The following RBM38 variants were observed in gnomAD, a reference collection of about 807,000 sequenced individuals.
RBM38 encodes RNA binding motif protein 38, also known as RNA-binding protein 38.
In RBM38, 11 loss-of-function variants were observed where a neutral mutation model predicts 23.5. That is an observed-to-expected ratio of 0.47 (90% confidence interval 0.29 to 0.77). The LOEUF (loss-of-function observed/expected upper bound fraction) is 0.77. Ranked by LOEUF, RBM38 falls within the 30% of genes least tolerant of loss-of-function variation. The probability of loss-of-function intolerance (pLI) is 0.08; values close to 1 mark genes in which losing one functional copy is unlikely to be tolerated. For synonymous variants in RBM38, 165 were observed against 166.1 expected, an observed-to-expected ratio of 0.99 and a Z score of 0.05; for missense variants, 330 against 351.9, an observed-to-expected ratio of 0.94 and a Z score of 0.50.
chr20:57,404,755 A>T (rs2146217916), intron 3 of RBM38, among the ~76,000 whole-genome samples: 1 of 152,388 alleles, frequency 6.6e-6, no homozygotes, highest in East Asian at 1.9e-4. Context: ...CCAGTGGGGC[A>T]TCGGGCAGCG....
In RBM38 at chr20:57,407,931, G is replaced by A. The variant is rs1052644003; in HGVS notation, c.*85G>A. ...GGCCATGATGGGCTGGCGACAGCCC[G>A]GCTGAGCTTCAGTGAGGTGCCACCA... On this transcript the variant is annotated 3_prime_UTR_variant, in exon 4 of 4. Transcript: ENST00000356208. This position sits in a 1 kb window ranked among gnomAD's most constrained non-coding sequence, Gnocchi z 4.0. The A allele has an allele frequency of 7.5e-6, 11 of 1,457,016 alleles. No homozygotes were observed. The highest frequency in any genetic ancestry group is 5.6e-5 in the African/African-American group (4 of 71,376). The allele number at this position is 1,457,016 out of a possible 1,614,324, so 90.3% of individuals were successfully genotyped here.
rs544936585 is a variant in RBM38, at chr20:57,391,516, C to T, written c.-66C>T. 4.8e-4 allele frequency: 212 copies of T among 444,686 alleles called. 1 individual carries two copies. In the South Asian group the frequency reaches 6.3e-3, roughly 13 times the overall value. 27.5% of individuals were successfully genotyped at this position (444,686 alleles called of 1,614,324 possible). ...CGGGCGCCCCTCGCTGCCCCGCGCG[C>T]TCCCCGCCGCCCCCCATGAGCGCAG... On this transcript the variant is annotated 5_prime_UTR_variant, in exon 1 of 4. Coordinates refer to ENST00000356208, the MANE Select transcript of RBM38 (RefSeq NM_017495.6).
chr20:57,391,657 G>A lies in RBM38; in HGVS notation c.76G>A (p.Gly26Ser). The A allele has an allele frequency of 6.7e-7, 1 of 1,495,972 alleles. No individual in the cohort carries two copies. The highest frequency in any genetic ancestry group is 8.9e-7 in the Non-Finnish European group (1 of 1,118,568). 92.7% of individuals were successfully genotyped at this position (1,495,972 alleles called of 1,614,324 possible). A position where few individuals can be genotyped will look rare whatever the true frequency, so the allele number is the denominator to read the frequency against. ...RPLAAPGAMH[G>S]SQKDTTFTKI... ...CCTGGCCGCCCCCGGCGCCATGCAC[G>A]GCTCGCAGAAGGACACCACGTTCAC... The change falls in exon 1 of 4, where the codon GGC becomes AGC. Residue 26 changes from glycine to serine, a missense_variant. This residue lies in a region of RBM38 where 95 missense variants were observed against 111.9 expected (regional missense o/e 0.85). Coordinates refer to ENST00000356208, the MANE Select transcript of RBM38 (RefSeq NM_017495.6).
intron 3 of RBM38, among the ~76,000 whole-genome samples, chr20:57,404,821 T>C (rs554588659): frequency 6.6e-6 from 1 of 152,320 alleles, no homozygotes; most frequent in Non-Finnish European, 1.5e-5. Context: ...GGTTAAGGGC[T>C]CCAGGCAGAG....
At chr20:57,396,539 T>G (rs2067276398) in intron 3 of RBM38, among the ~76,000 whole-genome samples, 2 of 152,202 alleles carry the variant, frequency 1.3e-5, no homozygotes, top group South Asian at 4.1e-4. Context: ...CTTGGGTTAT[T>G]TTTGAAGGGC....
At chr20:57,392,229 A>G in intron 1 of RBM38, 2 of 349,774 alleles carry the variant, frequency 5.7e-6, no homozygotes, top group Middle Eastern at 4.1e-4. Context: ...AGCCGCCCCA[A>G]ATAAACATCA....
In RBM38 at chr20:57,407,485, T is replaced by C; in HGVS notation, c.417-58T>C. On this transcript the variant is annotated intron_variant, in intron 3 of 3. Transcript: ENST00000356208. This position sits in a 1 kb window ranked among gnomAD's most constrained non-coding sequence, Gnocchi z 4.0. ...GCACGCATCGTGTACCCCACTGTTC[T>C]CCCAGCTGTATTCCCCAACTCCGTT... is the stretch of plus-strand genomic sequence containing the variant. 2 of 1,563,454 alleles carry C rather than the reference T, an allele frequency of 1.3e-6. No homozygotes were observed. The highest frequency in any genetic ancestry group is 1.7e-6 in the Non-Finnish European group (2 of 1,145,452).
Position 57,391,728 on chromosome 20 carries a change from G to T in RBM38, c.147G>T (p.Ser49=). The T allele has an allele frequency of 6.4e-7, 1 of 1,553,920 alleles. No individual in the cohort carries two copies. The highest frequency in any genetic ancestry group is 8.7e-7 in the Non-Finnish European group (1 of 1,149,852). The change falls in exon 1 of 4, where the codon TCG becomes TCT. Residue 49 remains serine (S), a synonymous_variant. Coordinates refer to ENST00000356208, the MANE Select transcript of RBM38 (RefSeq NM_017495.6). ...TGCCGTACCACACTACCGACGCCTC[G>T]CTCAGGAAGTACTTCGAGGGCTTCG... ...GGLPYHTTDA[S]LRKYFEGFGD...
intron 3 of RBM38, among the ~76,000 whole-genome samples, chr20:57,399,249 C>T (rs918388218): frequency 6.6e-6 from 1 of 152,132 alleles, no homozygotes; most frequent in East Asian, 1.9e-4. Context: ...CACCGGACCA[C>T]GCAGGCTCCG....
intron 1 of RBM38, 65 bp downstream of exon 1, chr20:57,391,883 TC>T: frequency 8.1e-7 from 1 of 1,238,604 alleles, no homozygotes; most frequent in Non-Finnish European, 1.1e-6. Flanking sequence ...GGGCGCCGAG[TC>T]CACTCCGGGG....
At chr20:57,401,979 C>T (rs1030545958) in intron 3 of RBM38, among the ~76,000 whole-genome samples, 9 of 152,114 alleles carry the variant, frequency 5.9e-5, no homozygotes, top group East Asian at 5.8e-4. Context: ...AACGGAGTCT[C>T]GCTCTGTCTC....
intron 3 of RBM38, among the ~76,000 whole-genome samples, chr20:57,400,139 T>C (rs75766970): frequency 1.3e-5 from 2 of 152,056 alleles, no homozygotes; most frequent in Non-Finnish European, 1.5e-5. Context: ...AGTTTACAGA[T>C]GGGGAAACAG....
At chr20:57,405,418 C>T (rs990646522) in intron 3 of RBM38, among the ~76,000 whole-genome samples, 3 of 152,230 alleles carry the variant, frequency 2.0e-5, no homozygotes, top group Non-Finnish European at 4.4e-5. Context: ...GGCTTCTAAC[C>T]TGGGGAGAGG....
In RBM38 at chr20:57,407,923, G is replaced by C; in HGVS notation, c.*77G>C. On this transcript the variant is annotated 3_prime_UTR_variant, in exon 4 of 4. Transcript: ENST00000356208. This position sits in a 1 kb window ranked among gnomAD's most constrained non-coding sequence, Gnocchi z 4.0. The stretch of plus-strand genomic sequence containing the variant: ...AGCTGCCAGGCCATGATGGGCTGGC[G>C]ACAGCCCGGCTGAGCTTCAGTGAGG... 1 of 1,474,220 alleles carries C rather than the reference G, an allele frequency of 6.8e-7. No homozygotes were observed. The highest frequency in any genetic ancestry group is 9.0e-7 in the Non-Finnish European group (1 of 1,108,660). The allele number at this position is 1,474,220 out of a possible 1,614,324, so 91.3% of individuals were successfully genotyped here.
intron 3 of RBM38, among the ~76,000 whole-genome samples, chr20:57,394,656 C>CT (rs1176027442): frequency 2.0e-5 from 3 of 152,132 alleles, no homozygotes; most frequent in Non-Finnish European, 4.4e-5. Flanking sequence ...TTGTAGATGT[C>CT]TAGAGTCGTC....
chr20:57,402,808 G>A (rs943004004), intron 3 of RBM38, among the ~76,000 whole-genome samples: 15 of 152,384 alleles, frequency 9.8e-5, no homozygotes, highest in East Asian at 5.8e-4. Context: ...TCGCCCATGC[G>A]TGCGTGGCTG....
In RBM38 at chr20:57,391,752, C is replaced by T. The variant is rs751570513; in HGVS notation, c.171C>T (p.Phe57=). The part of the protein sequence containing the change: ...DASLRKYFEG[F]GDIEEAVVIT... ...CGCTCAGGAAGTACTTCGAGGGCTT[C>T]GGCGACATCGAGGAGGCCGTGGTCA... The change falls in exon 1 of 4, where the codon TTC becomes TTT. Residue 57 remains phenylalanine, a synonymous_variant. Coordinates refer to ENST00000356208, the MANE Select transcript of RBM38 (RefSeq NM_017495.6). 7.0e-6 allele frequency: 11 copies of T among 1,570,048 alleles called. No individual in the cohort carries two copies. The highest frequency in any genetic ancestry group is 2.3e-5 in the South Asian group (2 of 86,594).
At chr20:57,400,635 G>T (rs181024446) in intron 3 of RBM38, among the ~76,000 whole-genome samples, 2 of 152,286 alleles carry the variant, frequency 1.3e-5, no homozygotes, top group Admixed American at 1.3e-4. Flanking sequence ...GGTGGCATGT[G>T]GGGGGTCTGT....
intron 1 of RBM38, chr20:57,392,453 G>A (rs1222391948): frequency 4.2e-5 from 65 of 1,532,402 alleles, no homozygotes; most frequent in Non-Finnish European, 5.4e-5. Context: ...TTGACGGGAG[G>A]AGCTGGAATC....
Sources: gnomAD v4.1 joint callset for allele counts (sites outside exome capture counted in the v4.1 genomes callset) on GRCh38, gnomAD v4.1.1 for gene constraint, gnomAD v4.1.1 regional missense constraint, Gnocchi (gnomAD v3.1) non-coding constraint, MANE v1.5 for transcripts, NCBI Gene and HGNC (gene_info 2026-07-23, HGNC 2026-07-21) for gene names.